PPCS: variants seen among roughly 807,000 people sequenced by gnomAD.
PPCS encodes the protein phosphopantothenate--cysteine ligase.
A neutral mutation model predicts 24.6 loss-of-function variants in PPCS; 17 were observed. The ratio of observed to expected loss-of-function variants is 0.69; its 90% confidence interval spans 0.47 to 1.04. PPCS has a LOEUF of 1.04. PPCS is among the 50% of genes least tolerant of loss of function. The pLI, the probability that PPCS is intolerant of heterozygous loss-of-function variation, is 0.00. For synonymous variants in PPCS, 190 were observed against 168.3 expected (o/e 1.13, Z -1.00); for missense variants, 360 against 402.8 (o/e 0.89, Z 0.91).
chr1:42,456,925 C>G lies in PPCS; in HGVS notation c.360C>G (p.Ala120=), dbSNP rs573793442. The change falls in exon 1 of 3, where the codon GCC becomes GCG. Residue 120 remains alanine, a synonymous_variant. Coordinates refer to ENST00000372561, the MANE Select transcript of PPCS (RefSeq NM_024664.4). ...TTTCGGGCTTGCTGAGCCTGGAGGC[C>G]GAGGAGAATGCACTTCCGGGTTTTG... The part of the protein sequence containing the change: ...PALSGLLSLE[A]EENALPGFAE... 124 of 1,609,324 alleles carry G rather than the reference C, an allele frequency of 7.7e-5. No individual in the cohort carries two copies. The highest frequency in any genetic ancestry group is 9.9e-5 in the Non-Finnish European group (117 of 1,179,998).
chr1:42,461,825 G>A (rs1169543331), downstream of PPCS, among the ~76,000 whole-genome samples: 5 of 152,080 alleles, frequency 3.3e-5, no homozygotes, highest in Admixed American at 2.0e-4. Context: ...CATTACAAGC[G>A]TGAGCCACCG....
intron 2 of PPCS, among the ~76,000 whole-genome samples, chr1:42,466,668 C>T (rs192140785): frequency 1.1e-3 from 165 of 151,970 alleles, no homozygotes; most frequent in African/African-American, 3.8e-3. Flanking sequence ...TCTCCTGCCT[C>T]AGCCTCCTGG....
At chr1:42,469,451 G>A (rs1643695133) in intron 2 of PPCS, among the ~76,000 whole-genome samples, 1 of 152,190 alleles carries the variant, frequency 6.6e-6, no homozygotes, top group African/African-American at 2.4e-5. Context: ...CAGTATAGGA[G>A]TGTGGGAGAC....
chr1:42,463,556 C>T (rs2148426662), downstream of PPCS: 2 of 152,602 alleles, frequency 1.3e-5, no homozygotes, highest in Non-Finnish European at 2.9e-5. Context: ...GTGATTCCGC[C>T]TGAAGGAGAA....
chr1:42,472,791 A>T (rs1643813527), intron 2 of PPCS, among the ~76,000 whole-genome samples: 1 of 152,198 alleles, frequency 6.6e-6, no homozygotes, highest in South Asian at 2.1e-4. Flanking sequence ...ACAACAGGAA[A>T]AGTAAAATAT....
chr1:42,465,157 A>G (rs1179393875), downstream of PPCS, among the ~76,000 whole-genome samples: 1 of 152,152 alleles, frequency 6.6e-6, no homozygotes, highest in Admixed American at 6.5e-5. Flanking sequence ...CAAAAAATGC[A>G]AAAAATTAGC....
At chr1:42,462,696 T>G (rs1412045387), downstream of PPCS, among the ~76,000 whole-genome samples, 1 of 152,156 alleles carries the variant, frequency 6.6e-6, no homozygotes, top group African/African-American at 2.4e-5. Context: ...TTTGTGTCAT[T>G]TATAAGTTTT....
At chr1:42,457,483 G>A (rs567107301) in intron 2 of PPCS, 133 bp downstream of exon 2, 1 of 742,308 alleles carries the variant, frequency 1.3e-6, no homozygotes, top group Non-Finnish European at 2.3e-6. Context: ...ATAAGACACC[G>A]CCCTCCCTCA....
chr1:42,468,636 T>C (rs1386138816), intron 2 of PPCS: 2 of 152,264 alleles, frequency 1.3e-5, no homozygotes, highest in Non-Finnish European at 2.9e-5. Flanking sequence ...TCAATGTGTT[T>C]CTGTTTCTTG....
chr1:42,458,487 A>G (rs1346024561), intron 2 of PPCS, among the ~76,000 whole-genome samples: 1 of 152,204 alleles, frequency 6.6e-6, no homozygotes, highest in East Asian at 1.9e-4. Context: ...TGTAGGACTT[A>G]GAGATGAAAG....
At chr1:42,472,312 A>G (rs374616028) in intron 2 of PPCS, among the ~76,000 whole-genome samples, 1 of 152,174 alleles carries the variant, frequency 6.6e-6, no homozygotes, top group African/African-American at 2.4e-5. Flanking sequence ...CGATCAGCAG[A>G]TATTTATCTT....
In PPCS at chr1:42,459,922, A is replaced by C. The variant is rs1320898244; in HGVS notation, c.932A>C (p.Asn311Thr). 6.2e-7 allele frequency: 1 copy of C among 1,602,996 alleles called. No individual in the cohort carries two copies. Among genetic ancestry groups the C allele is most frequent in the Admixed American group, 1.7e-5 (1 of 58,516 alleles). Reference protein sequence around the residue: ...SRHTAFIGDRN With the variant: ...SRHTAFIGDRT ...CACACAGCTTTTATAGGTGACAGAA[A>C]CTGAAGTAAAAAGCCCTTATAGGAT... is the stretch of plus-strand genomic sequence containing the variant. Residue 311 changes from asparagine (N) to threonine (T), a missense_variant, in exon 3 of 3, where the codon AAC becomes ACC. By Grantham distance (65) the Asn-to-Thr change is moderately conservative. Around this residue, in one of 2 missense-constraint regions of PPCS, gnomAD observed 116 missense variants for 168.1 expected, o/e 0.69. Coordinates refer to ENST00000372561, the MANE Select transcript of PPCS (RefSeq NM_024664.4).
chr1:42,460,444 T>A lies in PPCS; in HGVS notation c.*518T>A. 1 of 928,976 alleles carries A rather than the reference T, an allele frequency of 1.1e-6. No homozygotes were observed. The highest frequency in any genetic ancestry group is 1.3e-6 in the Non-Finnish European group (1 of 778,084). The allele number at this position is 928,976 out of a possible 1,614,324, so 57.5% of individuals were successfully genotyped here. A position where few individuals can be genotyped will look rare whatever the true frequency, so the allele number is the denominator to read the frequency against. On this transcript the variant is annotated 3_prime_UTR_variant, in exon 3 of 3. Transcript: ENST00000372561. ...TTTGTTTTGTTTGAAATTTATCAAA[T>A]ATAGTAGTAGGAAAGAAGGATACCT...
chr1:42,466,299 C>T (rs1235456426), intron 2 of PPCS, among the ~76,000 whole-genome samples: 1 of 152,170 alleles, frequency 6.6e-6, no homozygotes, highest in Non-Finnish European at 1.5e-5. Flanking sequence ...GTCCTGGCCC[C>T]TGCAATGCAG....
chr1:42,466,558 T>TG (rs1491308170), intron 2 of PPCS, among the ~76,000 whole-genome samples: 1 of 53,372 alleles, frequency 1.9e-5, no homozygotes, highest in Non-Finnish European at 3.7e-5. Flanking sequence ...TTTTGTTTTG[T>TG]TTTTTTTTTT....
chr1:42,473,333 A>C (rs1643828440), exon 3 of PPCS: 2 of 1,155,618 alleles, frequency 1.7e-6, no homozygotes, highest in Non-Finnish European at 2.2e-6. Context: ...AATTTTAAAG[A>C]CACCTGTGAT....
downstream of PPCS, among the ~76,000 whole-genome samples, chr1:42,461,648 A>G (rs1343171466): frequency 6.7e-6 from 1 of 150,050 alleles, no homozygotes; most frequent in East Asian, 2.0e-4. Context: ...CCGGGTTCAC[A>G]CCATTCTCCT....
downstream of PPCS, among the ~76,000 whole-genome samples, chr1:42,461,834 C>T (rs781672158): frequency 5.9e-5 from 9 of 152,116 alleles, no homozygotes; most frequent in African/African-American, 1.4e-4. Flanking sequence ...CGTGAGCCAC[C>T]GCGCCCAGCC....
At chr1:42,473,079 G>A (rs1306816752) in intron 2 of PPCS, 1 of 1,221,928 alleles carries the variant, frequency 8.2e-7, no homozygotes, top group Non-Finnish European at 1.0e-6. Context: ...TCAGTTGTGT[G>A]TGTGTGTGTG....
Sources: allele counts gnomAD v4.1 joint callset (sites outside exome capture counted in the v4.1 genomes callset), GRCh38; gene constraint gnomAD v4.1.1; regional missense constraint gnomAD v4.1.1; transcripts MANE v1.5; gene names NCBI Gene and HGNC (gene_info 2026-07-23, HGNC 2026-07-21).